The following TMEM175 variants were observed in gnomAD, a reference collection of about 807,000 sequenced individuals.
The protein encoded by TMEM175 is transmembrane protein 175.
TMEM175 carries 36 observed loss-of-function variants against 36.5 expected under a neutral mutation model. That is an observed-to-expected ratio of 0.99 (90% CI 0.76 to 1.30). TMEM175 has a LOEUF of 1.30. TMEM175 is among the 50% of genes most tolerant of loss of function. The probability of loss-of-function intolerance (pLI) is 0.00; values close to 1 mark genes in which losing one functional copy is unlikely to be tolerated. For missense variants in TMEM175, 705 were observed against 692.8 expected, an observed-to-expected ratio of 1.02 and a Z score of -0.20; for synonymous variants, 339 against 313.4, an observed-to-expected ratio of 1.08 and a Z score of -0.86.
At position 952,114 on chromosome 4, in the gene TMEM175, T is replaced by C. The variant is rs375447540; in HGVS notation, c.379-253T>C. On this transcript the variant is annotated intron_variant, in intron 6 of 10. Coordinates refer to ENST00000264771, the MANE Select transcript of TMEM175 (RefSeq NM_032326.4). ...TGCGGGGCTGTGTGCCACAAGGAAC[T>C]GGGGTCTGGGGAATTCCGTATGAAT... 170 of 595,032 alleles carry C rather than the reference T, an allele frequency of 2.9e-4. 1 individual carries two copies. The highest frequency in any genetic ancestry group is 2.4e-3 in the East Asian group (87 of 35,830). 36.9% of individuals were successfully genotyped at this position (595,032 alleles called of 1,614,324 possible).
At chr4:955,644 T>C (rs1729518870) in intron 9 of TMEM175, 111 bp from the exon 10 acceptor site, 1 of 1,507,442 alleles carries the variant, frequency 6.6e-7, no homozygotes, top group Non-Finnish European at 9.0e-7. Context: ...CTGTCTCCTC[T>C]CCTGGCCTGC....
chr4:936,408 A>G (rs1726785946), intron 1 of TMEM175, among the ~76,000 whole-genome samples: 1 of 152,166 alleles, frequency 6.6e-6, no homozygotes, highest in South Asian at 2.1e-4. Flanking sequence ...AAAAAAATAG[A>G]TAACAAAAGC....
intron 10 of TMEM175, chr4:956,361 T>G: frequency 7.0e-6 from 9 of 1,290,834 alleles, no homozygotes; most frequent in Non-Finnish European, 9.1e-6. Context: ...TTCCAGCGTC[T>G]GCTCCTCCGC....
Position 951,240 on chromosome 4 carries a change from A to G in TMEM175, c.324A>G (p.Thr108=). 1.2e-6 allele frequency: 2 copies of G among 1,614,126 alleles called. No homozygotes were observed. Among genetic ancestry groups the G allele is most frequent in the Non-Finnish European group, 1.7e-6 (2 of 1,179,996 alleles). The change falls in exon 5 of 11, where the codon ACA becomes ACG. Residue 108 remains threonine (T), a synonymous_variant. Transcript: ENST00000264771. The stretch of plus-strand genomic sequence containing the variant: ...AAGTTGTTGGGAAAACAGACGACAC[A>G]CTTGCCCTGCTCAACCTGGTGAGTA... The part of the protein sequence containing the change: ...LFQVVGKTDD[T]LALLNLACMM...
At chr4:947,024 G>GA (rs1728241857) in intron 1 of TMEM175, among the ~76,000 whole-genome samples, 1 of 130,286 alleles carries the variant, frequency 7.7e-6, no homozygotes. Context: ...CCCTGTAGGA[G>GA]ACAGCCCCAG....
chr4:952,474 C>CTGTGTGTG (rs3066989), intron 7 of TMEM175, 24 bp downstream of exon 7: 47 of 1,008,024 alleles, frequency 4.7e-5, no homozygotes, highest in African/African-American at 3.9e-4. Flanking sequence ...GGGGCCTGCA[C>CTGTGTGTG]TGTGTGTGTG....
At chr4:957,310 AGCAGC>A (rs1729810895) in intron 10 of TMEM175, among the ~76,000 whole-genome samples, 3 of 152,338 alleles carry the variant, frequency 2.0e-5, no homozygotes, top group African/African-American at 7.2e-5. Context: ...GTCAGAAGGC[AGCAGC>A]CCTGACAAGG....
At chr4:952,474 C>CTGTGTG (rs3066989) in intron 7 of TMEM175, 24 bp downstream of exon 7, 453 of 1,007,904 alleles carry the variant, frequency 4.5e-4, no homozygotes, top group Middle Eastern at 2.6e-3. Context: ...GGGGCCTGCA[C>CTGTGTG]TGTGTGTGTG....
chr4:940,388 C>T (rs2152997458), intron 1 of TMEM175, among the ~76,000 whole-genome samples: 1 of 137,426 alleles, frequency 7.3e-6, no homozygotes, highest in South Asian at 2.3e-4. Context: ...CTGGAGGTTG[C>T]AGTGAGCCGA....
chr4:956,143 G>A (rs1729604441), intron 10 of TMEM175, among the ~76,000 whole-genome samples: 1 of 152,074 alleles, frequency 6.6e-6, no homozygotes, highest in South Asian at 2.1e-4. Flanking sequence ...TGGGGTGCCA[G>A]GGTGAGGTCA....
intron 5 of TMEM175, 57 bp downstream of exon 5, chr4:951,315 A>G: frequency 6.3e-7 from 1 of 1,586,706 alleles, no homozygotes; most frequent in Non-Finnish European, 8.7e-7. Flanking sequence ...TCTGACCCTC[A>G]GGGAAGAGGG....
intron 6 of TMEM175, 114 bp downstream of exon 6, chr4:951,831 GAGA>G (rs1009893948): frequency 4.3e-6 from 5 of 1,158,386 alleles, no homozygotes; most frequent in Non-Finnish European, 6.5e-6. Flanking sequence ...CACGGTTGTA[GAGA>G]AGAGAGAAGG....
chr4:948,555 G>T (rs1431171810), intron 3 of TMEM175: 9 of 1,339,440 alleles, frequency 6.7e-6, no homozygotes, highest in East Asian at 9.0e-5. Context: ...CTGAGTAAAC[G>T]CGGCCAGCGC....
chr4:941,010 T>TAATA (rs1727392230), intron 1 of TMEM175, among the ~76,000 whole-genome samples: 1 of 82,268 alleles, frequency 1.2e-5, no homozygotes, highest in South Asian at 4.0e-4. Flanking sequence ...CGTCTCAAAA[T>TAATA]AATAATAATA....
At chr4:947,561 G>A (rs1173063581) in intron 1 of TMEM175, 148 bp from the exon 2 acceptor site, 2 of 634,640 alleles carry the variant, frequency 3.2e-6, no homozygotes, top group Non-Finnish European at 5.4e-6. Flanking sequence ...GCACCTGGGA[G>A]AGGACAGAGC....
chr4:950,555 T>A, intron 4 of TMEM175, 37 bp downstream of exon 4: 1 of 1,511,176 alleles, frequency 6.6e-7, no homozygotes. Flanking sequence ...CCATAGCTGC[T>A]CTCAAGGTTC....
At chr4:950,586 C>A in intron 4 of TMEM175, 68 bp downstream of exon 4, 1 of 1,197,458 alleles carries the variant, frequency 8.4e-7, no homozygotes, top group Non-Finnish European at 1.2e-6. Context: ...CACCACATCA[C>A]GCACGGGTCC....
chr4:955,678 G>T, intron 9 of TMEM175, 77 bp from the exon 10 acceptor site: 1 of 1,565,908 alleles, frequency 6.4e-7, no homozygotes, highest in South Asian at 1.2e-5. Flanking sequence ...CTTCATGGAT[G>T]AGGGCGGTGA....
chr4:956,709 G>C (rs998646852), intron 10 of TMEM175: 1 of 342,544 alleles, frequency 2.9e-6, no homozygotes, highest in African/African-American at 2.2e-5. Flanking sequence ...CTCCCAAAGT[G>C]CTGGGATTAC....
Sources: gnomAD v4.1 joint callset for allele counts (sites outside exome capture counted in the v4.1 genomes callset) on GRCh38, gnomAD v4.1.1 for gene constraint, MANE v1.5 for transcripts, NCBI Gene and HGNC (gene_info 2026-07-23, HGNC 2026-07-21) for gene names.